ADAM17: variants seen among roughly 807,000 people sequenced by gnomAD.
The protein encoded by ADAM17 is ADAM metallopeptidase domain 17.
In ADAM17, 39 loss-of-function variants were observed where a neutral mutation model predicts 96.7. The observed-to-expected ratio is 0.40, with a 90% confidence interval of 0.31 to 0.53. The LOEUF is 0.53. ADAM17 is among the 20% of genes least tolerant of loss of function. The pLI, the probability that ADAM17 is intolerant of heterozygous loss-of-function variation, is 0.44. For synonymous variants in ADAM17, 344 were observed against 359.2 expected (o/e 0.96, Z 0.48); for missense variants, 777 against 1,013.2 (o/e 0.77, Z 3.17).
At chr2:9,497,407 T>A (rs1662696214) in intron 13 of ADAM17, among the ~76,000 whole-genome samples, 159 bp from the exon 14 acceptor site, 1 of 152,184 alleles carries the variant, frequency 6.6e-6, no homozygotes, top group Non-Finnish European at 1.5e-5. Context: ...TCACCAGCAA[T>A]CAGCATTTAA....
chr2:9,500,508 TA>T (rs1428668640), intron 13 of ADAM17, among the ~76,000 whole-genome samples: 1 of 152,146 alleles, frequency 6.6e-6, no homozygotes, highest in Non-Finnish European at 1.5e-5. Flanking sequence ...CTGAATATAC[TA>T]AAAATCATTA....
chr2:9,543,432 A>G, intron 1 of ADAM17, 147 bp from the exon 2 acceptor site: 1 of 745,462 alleles, frequency 1.3e-6, no homozygotes. Context: ...TTTTATCAAC[A>G]GAAACTCCAC....
chr2:9,538,009 G>A (rs1472135235), intron 2 of ADAM17, among the ~76,000 whole-genome samples: 2 of 108,606 alleles, frequency 1.8e-5, no homozygotes, highest in African/African-American at 3.6e-5. Flanking sequence ...GGGGAAGGGA[G>A]GGGAGGAGAG....
chr2:9,510,759 G>A (rs1431130164), intron 10 of ADAM17, among the ~76,000 whole-genome samples: 2 of 152,070 alleles, frequency 1.3e-5, no homozygotes, highest in African/African-American at 2.4e-5. Flanking sequence ...CTGAACCCAG[G>A]AGGCTGAGGC....
intron 1 of ADAM17, among the ~76,000 whole-genome samples, chr2:9,544,582 C>T: frequency 6.6e-6 from 1 of 152,018 alleles, no homozygotes; most frequent in East Asian, 1.9e-4. Context: ...AATCCCAGCA[C>T]TTTGGGAGGC....
At chr2:9,528,009 C>T in intron 4 of ADAM17, 55 bp from the exon 5 acceptor site, 1 of 1,158,040 alleles carries the variant, frequency 8.6e-7, no homozygotes, top group Non-Finnish European at 1.2e-6. Context: ...TTCCTAAACA[C>T]TAAATTCTTC....
chr2:9,500,408 G>T (rs1338472534), intron 13 of ADAM17, among the ~76,000 whole-genome samples: 1 of 152,192 alleles, frequency 6.6e-6, no homozygotes. Flanking sequence ...GTGGGGAATG[G>T]GGGGATTGGA....
intron 1 of ADAM17, among the ~76,000 whole-genome samples, chr2:9,544,407 C>T (rs759671934): frequency 2.0e-5 from 3 of 152,088 alleles, no homozygotes; most frequent in Non-Finnish European, 2.9e-5. Context: ...TGGTGCATGC[C>T]TGTAATCCCA....
intron 4 of ADAM17, among the ~76,000 whole-genome samples, chr2:9,529,409 C>A (rs932851056): frequency 6.6e-6 from 1 of 151,966 alleles, no homozygotes; most frequent in Admixed American, 6.6e-5. Context: ...TGAGATCATG[C>A]CACTGCACTC....
At chr2:9,553,315 G>A (rs368895351) in intron 1 of ADAM17, among the ~76,000 whole-genome samples, 1 of 151,798 alleles carries the variant, frequency 6.6e-6, no homozygotes, top group Admixed American at 6.6e-5. Flanking sequence ...GATGGATATC[G>A]TCTGATCTTT....
chr2:9,521,367 G>A (rs756626527), intron 7 of ADAM17, 51 bp from the exon 8 acceptor site: 17 of 1,281,514 alleles, frequency 1.3e-5, no homozygotes, highest in South Asian at 7.7e-5. Context: ...TAAGTCAGAA[G>A]GCTCTGAATA....
At position 9,543,137 on chromosome 2, in the gene ADAM17, G is replaced by A; in HGVS notation, c.230+16C>T. 3.2e-6 allele frequency: 5 copies of A among 1,567,598 alleles called. No homozygotes were observed. Among genetic ancestry groups the A allele is most frequent in the South Asian group, 1.2e-5 (1 of 83,054 alleles). On this transcript the variant is annotated intron_variant, in intron 2 of 18. Transcript: ENST00000310823. ...CCCCAGTGCCCCAACATTATTCCAT[G>A]AATAATTCAAATTACCTTTTCAAAG...
intron 13 of ADAM17, among the ~76,000 whole-genome samples, chr2:9,501,636 T>C (rs1342778552): frequency 6.6e-6 from 1 of 152,202 alleles, no homozygotes; most frequent in Non-Finnish European, 1.5e-5. Context: ...CTGGTTACCC[T>C]TCTAACTTGT....
chr2:9,500,650 A>G (rs1219370653), intron 13 of ADAM17, among the ~76,000 whole-genome samples: 5 of 152,234 alleles, frequency 3.3e-5, no homozygotes, highest in African/African-American at 1.2e-4. Flanking sequence ...TAGATATATC[A>G]GAGGAACAAA....
chr2:9,503,323 G>T (rs1233467818), intron 12 of ADAM17, among the ~76,000 whole-genome samples: 3 of 152,126 alleles, frequency 2.0e-5, no homozygotes, highest in African/African-American at 7.2e-5. Flanking sequence ...TTACTTCTAA[G>T]CCAGGCACTG....
intron 12 of ADAM17, among the ~76,000 whole-genome samples, chr2:9,503,157 A>AG (rs895862716): frequency 2.0e-5 from 3 of 150,950 alleles, no homozygotes; most frequent in African/African-American, 4.9e-5. Flanking sequence ...AAAAAAGACA[A>AG]GGAAAAAAAA....
In ADAM17 at chr2:9,527,768, ACACTCTTTAAGTCTTACCTT is replaced by A; in HGVS notation, c.617_619+17del. ...AGTATGTTTGTTTCTTATTTGAAAT[ACACTCTTTAAGTCTTACCTT>A]CAGGTGGTTCTCTGTCTACTAACCC... On this transcript the variant is annotated splice_donor_variant and splice_donor_5th_base_variant and coding_sequence_variant and intron_variant, in exon 5 of 19. Coordinates refer to ENST00000310823, the MANE Select transcript of ADAM17 (RefSeq NM_003183.6). LOFTEE classifies it high-confidence loss of function. 1 of 1,480,506 alleles carries A rather than the reference ACACTCTTTAAGTCTTACCTT, an allele frequency of 6.8e-7. No individual in the cohort carries two copies. Among genetic ancestry groups the A allele is most frequent in the Non-Finnish European group, 9.0e-7 (1 of 1,112,894 alleles). The allele number at this position is 1,480,506 out of a possible 1,614,324, so 91.7% of individuals were successfully genotyped here.
At chr2:9,531,822 G>A (rs576021533) in intron 4 of ADAM17, among the ~76,000 whole-genome samples, 81 of 151,400 alleles carry the variant, frequency 5.4e-4, no homozygotes, top group South Asian at 2.7e-3. Context: ...TAACGGCTGC[G>A]CACAGTGGCT....
In ADAM17 at chr2:9,497,201, C is replaced by A. The variant is rs752714332; in HGVS notation, c.1696G>T (p.Val566Phe). Residue 566 changes from valine to phenylalanine, a missense_variant, in exon 14 of 19, where the codon GTT becomes TTT. Physicochemically the swap from Val to Phe is conservative, Grantham distance 50 (BLOSUM62 -1). Transcript: ENST00000310823. ...TTACACTTGCCAAGATCCAAGCAAA[C>A]AGTGTCATCTTCAGCATTTCCTGGA... ...PPPGNAEDDT[V>F]CLDLGKCKDG... The A allele has an allele frequency of 1.2e-6, 2 of 1,614,130 alleles. No individual in the cohort carries two copies. The highest frequency in any genetic ancestry group is 1.7e-6 in the Non-Finnish European group (2 of 1,180,058).
Sources: allele counts gnomAD v4.1 joint callset (sites outside exome capture counted in the v4.1 genomes callset), GRCh38; gene constraint gnomAD v4.1.1; transcripts MANE v1.5; gene names NCBI Gene and HGNC (gene_info 2026-07-23, HGNC 2026-07-21).